Variants in BMPER observed in about 807,000 individuals in gnomAD.
BMPER encodes the protein BMP binding endothelial regulator.
In BMPER, 45 loss-of-function variants were observed where a neutral mutation model predicts 87.3. The ratio of observed to expected loss-of-function variants is 0.52; its 90% CI spans 0.41 to 0.66. The LOEUF is 0.66. Among genes scored for constraint, BMPER ranks in the 30% least tolerant of loss-of-function variants. The pLI is 0.00. For missense variants in BMPER, 784 were observed against 867.5 expected, an observed-to-expected ratio of 0.90 and a Z score of 1.21; for synonymous variants, 326 against 316.2, an observed-to-expected ratio of 1.03 and a Z score of -0.33.
chr7:34,126,087 G>A (rs1790394857), intron 13 of BMPER, among the ~76,000 whole-genome samples: 1 of 152,216 alleles, frequency 6.6e-6, no homozygotes, highest in African/African-American at 2.4e-5. Context: ...TCTGACTTGA[G>A]AGAAGGTGAT....
intron 5 of BMPER, among the ~76,000 whole-genome samples, chr7:33,973,334 G>A (rs1311650620): frequency 1.3e-5 from 2 of 152,190 alleles, no homozygotes; most frequent in Non-Finnish European, 2.9e-5. Flanking sequence ...ACAGCCACTA[G>A]GAGGGCCCCA....
intron 2 of BMPER, among the ~76,000 whole-genome samples, chr7:33,922,620 A>G (rs1305422946): frequency 6.6e-6 from 1 of 152,194 alleles, no homozygotes; most frequent in Non-Finnish European, 1.5e-5. Flanking sequence ...AGAAAGAGAA[A>G]CTAAGAACCC....
At chr7:34,055,533 T>C (rs1377782098) in intron 9 of BMPER, among the ~76,000 whole-genome samples, 1 of 152,230 alleles carries the variant, frequency 6.6e-6, no homozygotes, top group African/African-American at 2.4e-5. Flanking sequence ...GATGTTTTTC[T>C]TGACTATATT....
At chr7:34,008,629 A>G (rs1786796653) in intron 6 of BMPER, among the ~76,000 whole-genome samples, 1 of 151,982 alleles carries the variant, frequency 6.6e-6, no homozygotes, top group African/African-American at 2.4e-5. Flanking sequence ...TTCTACTGTT[A>G]TACGTTTTAA....
chr7:33,964,216 C>G (rs963240681), intron 3 of BMPER, among the ~76,000 whole-genome samples: 2 of 152,020 alleles, frequency 1.3e-5, no homozygotes, highest in African/African-American at 4.8e-5. Flanking sequence ...TTCTGAGAGT[C>G]CTTACATATG....
At chr7:33,925,876 T>G (rs1307354621) in intron 2 of BMPER, among the ~76,000 whole-genome samples, 1 of 152,178 alleles carries the variant, frequency 6.6e-6, no homozygotes, top group Non-Finnish European at 1.5e-5. Context: ...TAACAGAACT[T>G]TTTAAAGGCT....
At chr7:33,992,030 C>T (rs1221083627) in intron 6 of BMPER, among the ~76,000 whole-genome samples, 1 of 151,378 alleles carries the variant, frequency 6.6e-6, no homozygotes, top group Non-Finnish European at 1.5e-5. Flanking sequence ...GAGAGCTTTA[C>T]TTCCCAGTAT....
chr7:34,028,601 G>GTTCTTTTTTTTTTTT (rs1787427267), intron 6 of BMPER, among the ~76,000 whole-genome samples: 1 of 36,054 alleles, frequency 2.8e-5, no homozygotes, highest in Non-Finnish European at 5.1e-5. Context: ...CATTTTTTCT[G>GTTCTTTTTTTTTTTT]TTTTTTTTTT....
chr7:33,984,947 A>G (rs1439812613), intron 6 of BMPER, among the ~76,000 whole-genome samples: 4 of 152,156 alleles, frequency 2.6e-5, no homozygotes, highest in Non-Finnish European at 5.9e-5. Context: ...CCATCTTTAT[A>G]TCTCTGTCTT....
At chr7:34,026,912 A>G (rs1787372415) in intron 6 of BMPER, among the ~76,000 whole-genome samples, 1 of 152,060 alleles carries the variant, frequency 6.6e-6, no homozygotes, top group Non-Finnish European at 1.5e-5. Context: ...TTGATGGCCC[A>G]TATTTGGCTG....
intron 6 of BMPER, among the ~76,000 whole-genome samples, chr7:34,035,126 C>T (rs1434445937): frequency 6.6e-6 from 1 of 152,124 alleles, no homozygotes; most frequent in African/African-American, 2.4e-5. Context: ...AGACCAATAC[C>T]CAGGAGCATC....
At chr7:33,962,794 G>A (rs1785304240) in intron 3 of BMPER, among the ~76,000 whole-genome samples, 1 of 151,928 alleles carries the variant, frequency 6.6e-6, no homozygotes, top group African/African-American at 2.4e-5. Context: ...CCCTTGTAGG[G>A]AGTTTCTTTT....
intron 11 of BMPER, among the ~76,000 whole-genome samples, chr7:34,066,538 T>C (rs1264900874): frequency 2.6e-5 from 4 of 152,242 alleles, no homozygotes; most frequent in African/African-American, 9.6e-5. Context: ...TGTGAGACTC[T>C]AGCCTTAAGC....
At chr7:34,080,364 C>T (rs1244584038) in intron 12 of BMPER, among the ~76,000 whole-genome samples, 1 of 152,170 alleles carries the variant, frequency 6.6e-6, no homozygotes, top group East Asian at 1.9e-4. Context: ...CCTAGCTAAA[C>T]TAAGGCAGGA....
At chr7:34,057,236 G>C (rs1788309824) in intron 9 of BMPER, among the ~76,000 whole-genome samples, 1 of 152,138 alleles carries the variant, frequency 6.6e-6, no homozygotes, top group African/African-American at 2.4e-5. Context: ...GCCCAACTCT[G>C]TTGTCTGTGA....
intron 5 of BMPER, among the ~76,000 whole-genome samples, chr7:33,971,074 C>T (rs919666044): frequency 2.0e-5 from 3 of 151,998 alleles, no homozygotes; most frequent in Non-Finnish European, 4.4e-5. Flanking sequence ...AAGCCACTGG[C>T]CAATAATCTC....
intron 6 of BMPER, among the ~76,000 whole-genome samples, chr7:33,978,126 G>A (rs1433173481): frequency 6.6e-6 from 1 of 152,152 alleles, no homozygotes. Flanking sequence ...TCTCATGAAT[G>A]GCCAAGTGTC....
chr7:34,088,636 C>G (rs534978054), intron 13 of BMPER, among the ~76,000 whole-genome samples: 1 of 152,118 alleles, frequency 6.6e-6, no homozygotes, highest in Admixed American at 6.5e-5. Context: ...CATCCTTTAT[C>G]GAAAGAACTG....
At chr7:34,080,781 T>C (rs1788992207) in intron 12 of BMPER, among the ~76,000 whole-genome samples, 1 of 152,192 alleles carries the variant, frequency 6.6e-6, no homozygotes, top group Non-Finnish European at 1.5e-5. Flanking sequence ...CTCAAAGAAA[T>C]CTTGAGTACT....
Sources: allele counts gnomAD v4.1 joint callset (sites outside exome capture counted in the v4.1 genomes callset), GRCh38; gene constraint gnomAD v4.1.1; transcripts MANE v1.5; gene names NCBI Gene and HGNC (gene_info 2026-07-23, HGNC 2026-07-21).